Variants in INPP5A observed in about 807,000 individuals in gnomAD.
The protein encoded by INPP5A is inositol polyphosphate-5-phosphatase A, also known as 43 kDa inositol polyphosphate 5-phophatase.
A neutral mutation model predicts 65.2 loss-of-function variants in INPP5A; 14 were observed. The observed-to-expected ratio is 0.21, with a 90% CI of 0.14 to 0.34. The LOEUF (loss-of-function observed/expected upper bound fraction) is 0.34. Among genes scored for constraint, INPP5A ranks in the 10% least tolerant of loss-of-function variants. The pLI is 1.00. For missense variants in INPP5A, 431 were observed against 545.6 expected, an observed-to-expected ratio of 0.79 and a Z score of 2.09; for synonymous variants, 207 against 208.3, an observed-to-expected ratio of 0.99 and a Z score of 0.05.
At chr10:132,628,280 G>T (rs1049813570) in intron 2 of INPP5A, among the ~76,000 whole-genome samples, 14 of 152,302 alleles carry the variant, frequency 9.2e-5, no homozygotes, top group African/African-American at 3.4e-4. Context: ...TCTGGGCTGT[G>T]TAACCTCACC....
chr10:132,693,277 A>G (rs1048674582), intron 5 of INPP5A, among the ~76,000 whole-genome samples: 5 of 152,260 alleles, frequency 3.3e-5, no homozygotes, highest in African/African-American at 1.2e-4. Context: ...AACAAAGGCA[A>G]CAAATAGAAA....
chr10:132,539,426 C>T (rs1371801388), intron 1 of INPP5A, among the ~76,000 whole-genome samples: 1 of 152,178 alleles, frequency 6.6e-6, no homozygotes, highest in African/African-American at 2.4e-5. Flanking sequence ...TGCTGACTGC[C>T]TATGGCCTTT....
intron 8 of INPP5A, among the ~76,000 whole-genome samples, chr10:132,723,275 G>A (rs1358280806): frequency 1.3e-5 from 2 of 152,272 alleles, no homozygotes; most frequent in Non-Finnish European, 2.9e-5. Context: ...AGTATTGAGA[G>A]AGGAAACTCG....
In INPP5A at chr10:132,650,612, A is replaced by C; in HGVS notation, c.306+107A>C. The C allele has an allele frequency of 1.3e-6, 1 of 784,686 alleles. No individual in the cohort carries two copies. The highest frequency in any genetic ancestry group is 1.5e-5 in the South Asian group (1 of 68,872). 48.6% of individuals were successfully genotyped at this position (784,686 alleles called of 1,614,324 possible). ...AGAGGTCGGGGTGCTCCCTGCCTGA[A>C]GCCTCACTCACGCTGCCCTGCCTGG... On this transcript the variant is annotated intron_variant, in intron 4 of 15. Transcript: ENST00000368594. The surrounding 1 kb of genome is among the most constrained non-coding windows in gnomAD (Gnocchi z 5.5).
intron 13 of INPP5A, 147 bp downstream of exon 13, chr10:132,777,929 G>A (rs1342673967): frequency 6.1e-6 from 9 of 1,478,434 alleles, no homozygotes; most frequent in Admixed American, 2.2e-5. Context: ...GTGCTGCCAT[G>A]AGCTGCACCC....
At chr10:132,617,937 T>A (rs915474464) in intron 2 of INPP5A, among the ~76,000 whole-genome samples, 3 of 152,240 alleles carry the variant, frequency 2.0e-5, no homozygotes, top group Non-Finnish European at 2.9e-5. Context: ...CTGGGAAATC[T>A]TTCTATGTGA....
intron 4 of INPP5A, among the ~76,000 whole-genome samples, chr10:132,685,184 C>T (rs923796810): frequency 1.4e-4 from 22 of 152,254 alleles, no homozygotes; most frequent in African/African-American, 5.3e-4. Context: ...TTGATAAGCA[C>T]GGTCGGCCTT....
rs1040112018 is a variant in INPP5A at position 132,675,134 on chromosome 10, A to T, written c.307-15258A>T. Reference sequence around the variant, plus strand: ...AGCAGCATCAAAAAAATAAAAACTCATACCCAGTCAGATTATAACAAATCA... The same window carrying T: ...AGCAGCATCAAAAAAATAAAAACTCTTACCCAGTCAGATTATAACAAATCA... On this transcript the variant is annotated intron_variant, in intron 4 of 15. Transcript: ENST00000368594. The surrounding 1 kb of genome is among the most constrained non-coding windows in gnomAD (Gnocchi z 4.2). Among the ~76,000 whole-genome samples the T allele has an allele frequency of 6.6e-6, 1 of 152,220 alleles. No homozygotes were observed. The highest frequency in any genetic ancestry group is 1.9e-4 in the East Asian group (1 of 5,204).
chr10:132,750,775 G>A (rs901438595), intron 11 of INPP5A, among the ~76,000 whole-genome samples: 6 of 152,108 alleles, frequency 3.9e-5, no homozygotes, highest in African/African-American at 7.2e-5. Flanking sequence ...TTCCTAGGGC[G>A]CTCCCGAGCC....
chr10:132,692,650 G>A (rs1337513522), intron 5 of INPP5A, among the ~76,000 whole-genome samples: 3 of 152,190 alleles, frequency 2.0e-5, no homozygotes, highest in Admixed American at 6.5e-5. Flanking sequence ...AGAGAGTAGT[G>A]TGAAACATTT....
intron 1 of INPP5A, among the ~76,000 whole-genome samples, chr10:132,589,130 T>G (rs2071585548): frequency 6.6e-6 from 1 of 152,234 alleles, no homozygotes; most frequent in Non-Finnish European, 1.5e-5. Flanking sequence ...GCCTCCCGGC[T>G]TTTGTGGATT....
rs529515505 is a variant in INPP5A, at chr10:132,690,433, C to T, written c.348C>T (p.Asn116=). ...SFYFLHESLK[N]IYQFDFKAKK... ...ATTTTCTTCATGAGTCCTTAAAAAA[C>T]ATCTACCAGTTTGACTTTAAAGGTA... The change falls in exon 5 of 16, where the codon AAC becomes AAT. Residue 116 remains asparagine, a synonymous_variant. Transcript: ENST00000368594. 73 of 1,612,734 alleles carry T rather than the reference C, an allele frequency of 4.5e-5. No homozygotes were observed. Among genetic ancestry groups the T allele is most frequent in the Non-Finnish European group, 5.9e-5 (70 of 1,179,132 alleles).
intron 1 of INPP5A, among the ~76,000 whole-genome samples, chr10:132,589,423 T>C (rs571798348): frequency 1.3e-5 from 2 of 152,352 alleles, no homozygotes; most frequent in South Asian, 4.1e-4. Context: ...TTCCAAACCC[T>C]GAGGGTCCCT....
intron 2 of INPP5A, among the ~76,000 whole-genome samples, chr10:132,623,907 C>T (rs2072140068): frequency 1.3e-5 from 2 of 152,272 alleles, no homozygotes; most frequent in South Asian, 4.1e-4. Flanking sequence ...TGGTGCTCAG[C>T]TTCAGTAGTC....
chr10:132,574,463 G>C (rs978350382), intron 1 of INPP5A, among the ~76,000 whole-genome samples: 1 of 151,574 alleles, frequency 6.6e-6, no homozygotes, highest in Admixed American at 6.6e-5. Context: ...GCGATGTTGG[G>C]TGTGTGTCCT....
rs185212697 is a variant in INPP5A, at chr10:132,547,004, T to C, written c.75+8833T>C. ...CGTCCTCCCCTCTCGGGGTCCCGCA[T>C]GACTGGTCCTCATTCCAGGAACCAG... On this transcript the variant is annotated intron_variant, in intron 1 of 15. Transcript: ENST00000368594. The surrounding 1 kb of genome is among the most constrained non-coding windows in gnomAD (Gnocchi z 5.5). Among the ~76,000 whole-genome samples, 21 of 152,236 alleles carry C rather than the reference T, an allele frequency of 1.4e-4. No individual in the cohort carries two copies. Among genetic ancestry groups the C allele is most frequent in the African/African-American group, 5.1e-4 (21 of 41,468 alleles).
intron 1 of INPP5A, among the ~76,000 whole-genome samples, chr10:132,588,424 G>A (rs2071574634): frequency 6.6e-6 from 1 of 152,222 alleles, no homozygotes; most frequent in African/African-American, 2.4e-5. Flanking sequence ...CTTCTCATTT[G>A]GTGGAAGGCC....
rs553662467 is a variant in INPP5A at position 132,553,384 on chromosome 10, G to A, written c.75+15213G>A. The stretch of plus-strand genomic sequence containing the variant: ...GGATAGGGAGGGAGGACTGGTGAAC[G>A]CCTTCTCAGAGCCTTGGTGGAATAT... On this transcript the variant is annotated intron_variant, in intron 1 of 15. Transcript: ENST00000368594. 1.1e-4 allele frequency among the ~76,000 whole-genome samples: 15 copies of A among 140,250 alleles called. No homozygotes were observed. The South Asian group carries it at 2.9e-3, about 27-fold the overall frequency. The allele number at this position is 140,250 out of a possible 152,430, so 92.0% of individuals were successfully genotyped here.
intron 2 of INPP5A, among the ~76,000 whole-genome samples, chr10:132,631,485 C>T (rs548208078): frequency 5.9e-5 from 9 of 152,386 alleles, no homozygotes; most frequent in South Asian, 4.1e-4. Context: ...AAGAAATTCC[C>T]GTGTCCCTCT....
Sources: allele counts gnomAD v4.1 joint callset (sites outside exome capture counted in the v4.1 genomes callset), GRCh38; gene constraint gnomAD v4.1.1; non-coding constraint Gnocchi (gnomAD v3.1); transcripts MANE v1.5; gene names NCBI Gene and HGNC (gene_info 2026-07-23, HGNC 2026-07-21).